Variants in NUMB observed in about 807,000 individuals in gnomAD.
NUMB encodes the protein protein numb homolog.
Under a neutral mutation model 59.7 loss-of-function variants are expected in NUMB, and 29 were observed. The ratio of observed to expected loss-of-function variants is 0.49; its 90% CI spans 0.36 to 0.66. The LOEUF (loss-of-function observed/expected upper bound fraction) is 0.66, where lower values mean the gene tolerates loss of function less well. Among genes scored for constraint, NUMB ranks in the 30% least tolerant of loss-of-function variants. The probability of loss-of-function intolerance (pLI) is 0.00; values close to 1 mark genes in which losing one functional copy is unlikely to be tolerated. For missense variants in NUMB, 723 were observed against 822.0 expected (o/e 0.88, Z 1.47); for synonymous variants, 288 against 288.2 (o/e 1.00, Z 0.01).
At chr14:73,382,790 G>A (rs150689370) in intron 2 of NUMB, among the ~76,000 whole-genome samples, 137 of 152,264 alleles carry the variant, frequency 9.0e-4, no homozygotes, top group African/African-American at 3.3e-3. Flanking sequence ...AAATGACCAG[G>A]AATGCTAGGA....
chr14:73,380,256 A>C (rs1263895372), intron 2 of NUMB, among the ~76,000 whole-genome samples: 1 of 152,176 alleles, frequency 6.6e-6, no homozygotes, highest in Non-Finnish European at 1.5e-5. Flanking sequence ...AACTAACAGG[A>C]TTTTGTTAAT....
intron 2 of NUMB, among the ~76,000 whole-genome samples, chr14:73,393,371 AG>A (rs1895952197): frequency 6.6e-6 from 1 of 152,226 alleles, no homozygotes; most frequent in Non-Finnish European, 1.5e-5. Context: ...CTTTCAGAGC[AG>A]TAACTCTGAC....
chr14:73,452,301 G>A (rs951564435), intron 1 of NUMB, among the ~76,000 whole-genome samples: 1 of 152,008 alleles, frequency 6.6e-6, no homozygotes, highest in East Asian at 1.9e-4. Context: ...TGGAGGTTGC[G>A]GTGAGCTAAA....
chr14:73,317,251 A>C (rs1374682862), intron 5 of NUMB, among the ~76,000 whole-genome samples: 1 of 152,150 alleles, frequency 6.6e-6, no homozygotes, highest in Non-Finnish European at 1.5e-5. Flanking sequence ...TTTAAGAAAC[A>C]GGGTTTTGTT....
chr14:73,367,348 T>TATATATATAGAGAG (rs1555375287), intron 2 of NUMB, among the ~76,000 whole-genome samples: 111 of 105,238 alleles, frequency 1.1e-3, no homozygotes, highest in African/African-American at 3.7e-3. Flanking sequence ...TATATATATA[T>TATATATATAGAGAG]AGAGAGAGAG....
At chr14:73,410,537 C>A (rs1194918362) in intron 1 of NUMB, among the ~76,000 whole-genome samples, 2 of 152,176 alleles carry the variant, frequency 1.3e-5, no homozygotes, top group Non-Finnish European at 2.9e-5. Flanking sequence ...AAATCTAATT[C>A]TTGAACAGAT....
Position 73,276,621 on chromosome 14 carries a change from G to C in NUMB, c.1913C>G (p.Pro638Arg), listed in dbSNP as rs1420256762. The change falls in exon 13 of 13, where the codon CCT (proline) becomes CGT (arginine). Residue 638 changes from proline (P) to arginine (R), a missense_variant. By Grantham distance (103) the Pro-to-Arg change is moderately radical. Coordinates refer to ENST00000555238, the MANE Select transcript of NUMB (RefSeq NM_001005743.2). ...KQRTNPSPTN[P>R]FSSDLQKTFE... is the part of the protein sequence containing the mutation. Reference sequence around the variant, plus strand: ...CGTCTTCTGTAAGTCACTGGAGAAAGGGTTGGTAGGGGAGGGATTAGTACG... The same window carrying C: ...CGTCTTCTGTAAGTCACTGGAGAAACGGTTGGTAGGGGAGGGATTAGTACG... The C allele has an allele frequency of 6.2e-7, 1 of 1,613,948 alleles. No homozygotes were observed. The highest frequency in any genetic ancestry group is 1.3e-5 in the African/African-American group (1 of 74,934).
rs1168287763 is a variant in NUMB, at chr14:73,295,059, CAAAAAAA to C, written c.309+2145_309+2151del. 3.0e-3 allele frequency among the ~76,000 whole-genome samples: 201 copies of C among 67,198 alleles called. 1 individual carries two copies. Among genetic ancestry groups the C allele is most frequent in the African/African-American group, 0.011 (181 of 16,806 alleles). 44.1% of individuals were successfully genotyped at this position (67,198 alleles called of 152,430 possible). ...TGGGTGACAGTATAAGGCACTGTCT[CAAAAAAA>C]AAAAAAAAAAAAAAAAGGTAGGAAC... On this transcript the variant is annotated intron_variant, in intron 7 of 12. Coordinates refer to ENST00000555238, the MANE Select transcript of NUMB (RefSeq NM_001005743.2).
chr14:73,367,348 T>TATATAGAGAGAGAGAG (rs1555375287), intron 2 of NUMB, among the ~76,000 whole-genome samples: 1,524 of 105,218 alleles, frequency 0.014, 13 homozygotes, highest in Non-Finnish European at 0.016. Context: ...TATATATATA[T>TATATAGAGAGAGAGAG]AGAGAGAGAG....
chr14:73,333,510 G>A (rs1344725311), intron 4 of NUMB, among the ~76,000 whole-genome samples: 1 of 151,994 alleles, frequency 6.6e-6, no homozygotes, highest in Admixed American at 6.6e-5. Context: ...GGGATTACAG[G>A]CATGAGCCAC....
chr14:73,419,419 G>C (rs1376351799), intron 1 of NUMB, among the ~76,000 whole-genome samples: 1 of 152,180 alleles, frequency 6.6e-6, no homozygotes, highest in Non-Finnish European at 1.5e-5. Flanking sequence ...TGAGGCAGGA[G>C]AATGGCATGA....
chr14:73,277,018 C>A lies in NUMB; in HGVS notation c.1516G>T (p.Val506Phe), dbSNP rs1250844705. The change falls in exon 13 of 13, where the codon GTC (valine) becomes TTC (phenylalanine). Residue 506 changes from valine to phenylalanine, a missense_variant. Coordinates refer to ENST00000555238, the MANE Select transcript of NUMB (RefSeq NM_001005743.2). ...GCCACAGGATAGGACTGGGCAGGGA[C>A]AAAGGCTGGTTGCAGGGCTGGGACC... ...GVVPALQPAF[V>F]PAQSYPVANG... The A allele has an allele frequency of 4.3e-6, 7 of 1,614,062 alleles. No individual in the cohort carries two copies. Among genetic ancestry groups the A allele is most frequent in the Middle Eastern group, 1.6e-4 (1 of 6,062 alleles).
At chr14:73,443,525 G>A (rs1045810507) in intron 1 of NUMB, among the ~76,000 whole-genome samples, 28 of 151,122 alleles carry the variant, frequency 1.9e-4, no homozygotes, top group African/African-American at 6.8e-4. Flanking sequence ...AACCTGGGAG[G>A]CAGAGGTTGC....
rs1896106236 is a variant in NUMB at position 73,395,893 on chromosome 14, GC to G, written c.-101+14043del. On this transcript the variant is annotated intron_variant, in intron 2 of 12. Coordinates refer to ENST00000555238, the MANE Select transcript of NUMB (RefSeq NM_001005743.2). ...TGAAGGTGAATTGAGTTCTAGAATG[GC>G]TAGATGGATACAGACACAGCTGAAA... Among the ~76,000 whole-genome samples, 13 of 152,254 alleles carry G rather than the reference GC, an allele frequency of 8.5e-5. No homozygotes were observed. The South Asian group carries it at 2.7e-3, about 32-fold the overall frequency.
At chr14:73,312,557 C>T (rs2079320) in intron 6 of NUMB, among the ~76,000 whole-genome samples, 84,441 of 151,810 alleles carry the variant, frequency 0.56, 24,106 homozygotes, top group East Asian at 0.73. Flanking sequence ...CTACAAAAAA[C>T]ACAAAAATTA....
At position 73,276,540 on chromosome 14, in the gene NUMB, TG is replaced by T; in HGVS notation, c.*37del. On this transcript the variant is annotated 3_prime_UTR_variant, in exon 13 of 13. Coordinates refer to ENST00000555238, the MANE Select transcript of NUMB (RefSeq NM_001005743.2). ...CCTTTGACCGCTACCCCCTGCTCCC[TG>T]TCTGGTATGGACAAGATACATAGCC... 1 of 1,531,330 alleles carries T rather than the reference TG, an allele frequency of 6.5e-7. No individual in the cohort carries two copies. The highest frequency in any genetic ancestry group is 9.0e-7 in the Non-Finnish European group (1 of 1,117,270). 94.9% of individuals were successfully genotyped at this position (1,531,330 alleles called of 1,614,324 possible). A position where few individuals can be genotyped will look rare whatever the true frequency, so the allele number is the denominator to read the frequency against.
At chr14:73,317,428 A>C (rs1004393623) in intron 5 of NUMB, among the ~76,000 whole-genome samples, 1 of 152,158 alleles carries the variant, frequency 6.6e-6, no homozygotes, top group Non-Finnish European at 1.5e-5. Context: ...CGGCCTCCCG[A>C]GTAGCTAGGA....
At chr14:73,277,395 C>T in intron 12 of NUMB, 102 bp from the exon 13 acceptor site, 3 of 901,598 alleles carry the variant, frequency 3.3e-6, no homozygotes, top group Non-Finnish European at 4.9e-6. Context: ...CAACATGTCC[C>T]CCCCTAATGG....
At chr14:73,323,541 C>T (rs1891510858) in intron 4 of NUMB, among the ~76,000 whole-genome samples, 1 of 152,188 alleles carries the variant, frequency 6.6e-6, no homozygotes, top group South Asian at 2.1e-4. Flanking sequence ...CTAAACATTA[C>T]CTGAATCTAC....
Sources: gnomAD v4.1 joint callset for allele counts (sites outside exome capture counted in the v4.1 genomes callset) on GRCh38, gnomAD v4.1.1 for gene constraint, MANE v1.5 for transcripts, NCBI Gene and HGNC (gene_info 2026-07-23, HGNC 2026-07-21) for gene names.